UNC5B: variants seen among roughly 807,000 people sequenced by gnomAD.
UNC5B encodes the protein unc-5 netrin receptor B, also known as netrin receptor UNC5B.
In UNC5B, 56 loss-of-function variants were observed where a neutral mutation model predicts 103.7. The ratio of observed to expected loss-of-function variants is 0.54; its 90% CI spans 0.44 to 0.67. The LOEUF is 0.67. Ranked by LOEUF, UNC5B falls within the 30% of genes least tolerant of loss-of-function variation. The pLI, the probability that UNC5B is intolerant of heterozygous loss-of-function variation, is 0.00. For missense variants in UNC5B, 1,194 were observed against 1,284.5 expected (o/e 0.93, Z 1.08); for synonymous variants, 577 against 542.0 (o/e 1.06, Z -0.90).
chr10:71,255,856 A>G (rs1015802310), intron 1 of UNC5B, among the ~76,000 whole-genome samples: 1 of 152,216 alleles, frequency 6.6e-6, no homozygotes. Flanking sequence ...CTGTCCAACA[A>G]CAAAAGGCAA....
At chr10:71,276,608 A>G (rs1844777482) in intron 1 of UNC5B, among the ~76,000 whole-genome samples, 1 of 152,132 alleles carries the variant, frequency 6.6e-6, no homozygotes, top group South Asian at 2.1e-4. Flanking sequence ...TAATTTTTGT[A>G]TTTTTAGTAG....
intron 1 of UNC5B, among the ~76,000 whole-genome samples, chr10:71,251,725 A>G (rs891766380): frequency 3.3e-5 from 5 of 152,222 alleles, no homozygotes; most frequent in Non-Finnish European, 7.3e-5. Flanking sequence ...AACCCTTGCC[A>G]CATAGGGGAA....
Position 71,213,001 on chromosome 10 carries a change from G to A in UNC5B, c.16G>A (p.Gly6Arg). 1 of 1,405,106 alleles carries A rather than the reference G, an allele frequency of 7.1e-7. No homozygotes were observed. The highest frequency in any genetic ancestry group is 9.3e-7 in the Non-Finnish European group (1 of 1,073,600). 87.0% of individuals were successfully genotyped at this position (1,405,106 alleles called of 1,614,324 possible). A position where few individuals can be genotyped will look rare whatever the true frequency, so the allele number is the denominator to read the frequency against. Residue 6 changes from glycine (G) to arginine (R), a missense_variant, in exon 1 of 17, where the codon GGA (glycine) becomes AGA (arginine). Physicochemically the swap from Gly to Arg is moderately radical, Grantham distance 125. Coordinates refer to ENST00000335350, the MANE Select transcript of UNC5B (RefSeq NM_170744.5). This position sits in a 1 kb window ranked among gnomAD's most constrained non-coding sequence, Gnocchi z 4.1. Reference protein sequence around the residue: MGARSGARGALLLALL... With the variant: MGARSRARGALLLALL... Reference sequence around the variant, plus strand: ...CCGCGGGAGCATGGGGGCCCGGAGCGGAGCTCGGGGCGCGCTGCTGCTGGC... The same window carrying A: ...CCGCGGGAGCATGGGGGCCCGGAGCAGAGCTCGGGGCGCGCTGCTGCTGGC...
rs1845529158 is a variant in UNC5B, at chr10:71,299,295, G to GCTGGCAGGGA, written c.*27_*36dup. ...ACTGCTGAGCCTCCTGGGACAGCGG[G>GCTGGCAGGGA]CTGGCAGGGACTGGCAGGAGGCAGG... On this transcript the variant is annotated 3_prime_UTR_variant, in exon 17 of 17. Transcript: ENST00000335350. 6.2e-7 allele frequency: 1 copy of GCTGGCAGGGA among 1,612,820 alleles called. No individual in the cohort carries two copies. Among genetic ancestry groups the GCTGGCAGGGA allele is most frequent in the Non-Finnish European group, 8.5e-7 (1 of 1,179,732 alleles).
intron 1 of UNC5B, among the ~76,000 whole-genome samples, chr10:71,219,166 A>C (rs1028034560): frequency 2.6e-5 from 4 of 152,142 alleles, no homozygotes; most frequent in African/African-American, 4.8e-5. Flanking sequence ...GTGCAGTCTC[A>C]CTTTGTCCTT....
At chr10:71,233,323 C>T (rs12250459) in intron 1 of UNC5B, among the ~76,000 whole-genome samples, 36,247 of 152,062 alleles carry the variant, frequency 0.24, 4,798 homozygotes, top group Non-Finnish European at 0.31. Flanking sequence ...GGCCCCATCA[C>T]GGGGTCCACA....
chr10:71,298,908 A>T (rs888354770), intron 16 of UNC5B, among the ~76,000 whole-genome samples: 7 of 152,206 alleles, frequency 4.6e-5, no homozygotes, highest in Non-Finnish European at 7.3e-5. Flanking sequence ...CCCATTTTAG[A>T]GACAAGGAGA....
chr10:71,222,069 G>A (rs1843463435), intron 1 of UNC5B, among the ~76,000 whole-genome samples: 1 of 152,204 alleles, frequency 6.6e-6, no homozygotes, highest in Admixed American at 6.5e-5. Context: ...TGGATGTTGA[G>A]AGGAAGAAGC....
At position 71,212,602 on chromosome 10, in the gene UNC5B, C is replaced by CCGGAGCCGCA. The variant is rs1374743349; in HGVS notation, c.-381_-372dup. ...CAGGCGGCTGGGGCCGGCTAGGGCGCCGGAGCCGCACGCAGCCGCGGGGCT... is the reference window on the plus strand; with the variant it reads ...CAGGCGGCTGGGGCCGGCTAGGGCGCCGGAGCCGCACGGAGCCGCACGCAGCCGCGGGGCT... On this transcript the variant is annotated 5_prime_UTR_variant, in exon 1 of 17. Transcript: ENST00000335350. The CCGGAGCCGCA allele has an allele frequency of 6.2e-6, 1 of 162,450 alleles. No homozygotes were observed. The highest frequency in any genetic ancestry group is 1.3e-5 in the Non-Finnish European group (1 of 75,098). 10.1% of individuals were successfully genotyped at this position (162,450 alleles called of 1,614,324 possible). A position where few individuals can be genotyped will look rare whatever the true frequency, so the allele number is the denominator to read the frequency against.
chr10:71,240,337 T>A (rs1035747354), intron 1 of UNC5B, among the ~76,000 whole-genome samples: 5 of 152,248 alleles, frequency 3.3e-5, no homozygotes, highest in Admixed American at 2.6e-4. Context: ...ATACTTCAAT[T>A]CCTCTTCTCA....
intron 1 of UNC5B, among the ~76,000 whole-genome samples, chr10:71,273,010 C>T: frequency 6.6e-6 from 1 of 152,152 alleles, no homozygotes. Context: ...TGCCTCAGCC[C>T]CCCGAGTAGC....
At chr10:71,255,064 G>C (rs2132274560) in intron 1 of UNC5B, among the ~76,000 whole-genome samples, 1 of 152,216 alleles carries the variant, frequency 6.6e-6, no homozygotes, top group Admixed American at 6.5e-5. Context: ...TTCATGCTCA[G>C]GCCTCTACAC....
intron 1 of UNC5B, among the ~76,000 whole-genome samples, chr10:71,252,976 G>A (rs1270411418): frequency 1.3e-5 from 2 of 152,200 alleles, no homozygotes; most frequent in Admixed American, 6.5e-5. Context: ...GAGGAGAGAA[G>A]AGAGACAGAG....
In UNC5B at chr10:71,286,877, C is replaced by G. The variant is rs1213293257; in HGVS notation, c.733+8C>G. Reference sequence around the variant, plus strand: ...CCACCGTCATCGTCTACGGTGCGGGCCTTTCGGAGTGGGAGGGGCAGACAC... The same window carrying G: ...CCACCGTCATCGTCTACGGTGCGGGGCTTTCGGAGTGGGAGGGGCAGACAC... On this transcript the variant is annotated splice_region_variant and intron_variant, in intron 5 of 16. Coordinates refer to ENST00000335350, the MANE Select transcript of UNC5B (RefSeq NM_170744.5). 6.2e-7 allele frequency: 1 copy of G among 1,611,838 alleles called. No individual in the cohort carries two copies. Among genetic ancestry groups the G allele is most frequent in the South Asian group, 1.1e-5 (1 of 90,898 alleles).
intron 1 of UNC5B, among the ~76,000 whole-genome samples, chr10:71,262,979 G>A (rs1474219500): frequency 6.6e-6 from 1 of 152,232 alleles, no homozygotes. Flanking sequence ...CAGACGAAGA[G>A]CCAGGGCCCT....
intron 1 of UNC5B, among the ~76,000 whole-genome samples, chr10:71,242,134 G>T (rs1457730167): frequency 6.6e-6 from 1 of 152,134 alleles, no homozygotes; most frequent in South Asian, 2.1e-4. Flanking sequence ...GACATGGGGG[G>T]GCGTGGCATT....
intron 1 of UNC5B, among the ~76,000 whole-genome samples, chr10:71,254,967 CA>C (rs1396535567): frequency 1.3e-5 from 2 of 152,238 alleles, no homozygotes; most frequent in Non-Finnish European, 2.9e-5. Flanking sequence ...CACCCAGACA[CA>C]ACTACTACTT....
At chr10:71,225,639 A>G (rs955852118) in intron 1 of UNC5B, among the ~76,000 whole-genome samples, 3 of 152,128 alleles carry the variant, frequency 2.0e-5, no homozygotes, top group African/African-American at 7.2e-5. Context: ...TTCTTAGAAA[A>G]CGGGGCAGGC....
intron 1 of UNC5B, among the ~76,000 whole-genome samples, chr10:71,269,026 G>C (rs1466311610): frequency 6.6e-6 from 1 of 152,238 alleles, no homozygotes; most frequent in South Asian, 2.1e-4. Flanking sequence ...CCGTGCGGGG[G>C]CTGGTGGGGG....
Sources: gnomAD v4.1 joint callset for allele counts (sites outside exome capture counted in the v4.1 genomes callset) on GRCh38, gnomAD v4.1.1 for gene constraint, Gnocchi (gnomAD v3.1) non-coding constraint, MANE v1.5 for transcripts, NCBI Gene and HGNC (gene_info 2026-07-23, HGNC 2026-07-21) for gene names.